The following GLB1L3 variants were observed in gnomAD, a reference collection of about 807,000 sequenced individuals.
The protein encoded by GLB1L3 is beta-galactosidase-1-like protein 3.
GLB1L3 carries 89 observed loss-of-function variants against 89.5 expected under a neutral mutation model. The observed-to-expected ratio is 0.99, with a 90% CI of 0.84 to 1.19. GLB1L3 has a LOEUF of 1.19. Among genes scored for constraint, GLB1L3 ranks in the 50% most tolerant of loss-of-function variants. The pLI is 0.00. For missense variants in GLB1L3, 812 were observed against 813.3 expected, an observed-to-expected ratio of 1.00 and a Z score of 0.02; for synonymous variants, 314 against 312.3, an observed-to-expected ratio of 1.01 and a Z score of -0.06.
chr11:134,308,466 A>AT (rs1395405707), intron 10 of GLB1L3, among the ~76,000 whole-genome samples: 3 of 19,610 alleles, frequency 1.5e-4, no homozygotes, highest in Admixed American at 5.4e-4. Context: ...CACCACCACC[A>AT]CCACCAAATA....
intron 1 of GLB1L3, 32 bp from the exon 2 acceptor site, chr11:134,277,294 C>T (rs746055366): frequency 6.2e-7 from 1 of 1,613,542 alleles, no homozygotes; most frequent in Admixed American, 1.7e-5. Context: ...CCGGAACCTT[C>T]CCCTTGTCAC....
intron 3 of GLB1L3, among the ~76,000 whole-genome samples, chr11:134,280,158 C>T (rs1448080420): frequency 1.1e-4 from 17 of 151,712 alleles, no homozygotes; most frequent in African/African-American, 3.4e-4. Flanking sequence ...TTTGGGAATA[C>T]GCTTTCTGTT....
At chr11:134,309,254 C>G (rs1042540785) in intron 10 of GLB1L3, among the ~76,000 whole-genome samples, 12 of 152,040 alleles carry the variant, frequency 7.9e-5, no homozygotes, top group African/African-American at 2.7e-4. Flanking sequence ...GATTCGGTGT[C>G]CTAGAGTAGT....
rs902707793 is a variant in GLB1L3 at position 134,312,501 on chromosome 11, A to G, written c.1428+12A>G. On this transcript the variant is annotated intron_variant, in intron 14 of 19. Transcript: ENST00000431683. ...ATGACGTGGCACAGGTAGGGCCAGC[A>G]GGCTGTCTGTGTGGGAAGCAAAGTG... 6.2e-7 allele frequency: 1 copy of G among 1,609,718 alleles called. No homozygotes were observed. The highest frequency in any genetic ancestry group is 8.5e-7 in the Non-Finnish European group (1 of 1,179,704).
intron 10 of GLB1L3, among the ~76,000 whole-genome samples, chr11:134,309,011 C>A (rs1942586734): frequency 6.6e-6 from 1 of 152,164 alleles, no homozygotes; most frequent in Non-Finnish European, 1.5e-5. Flanking sequence ...AGATTAAGAG[C>A]AACCACTTGT....
chr11:134,292,833 C>T (rs1345967907), intron 8 of GLB1L3: 5 of 475,524 alleles, frequency 1.1e-5, no homozygotes, highest in Non-Finnish European at 1.9e-5. Flanking sequence ...CACTGGAACA[C>T]GTGCTGAGCT....
chr11:134,300,596 A>G (rs1458639173), intron 9 of GLB1L3, among the ~76,000 whole-genome samples: 2 of 151,840 alleles, frequency 1.3e-5, no homozygotes, highest in African/African-American at 4.8e-5. Context: ...AGCCTCCCAA[A>G]GTGCTGGGAT....
intron 6 of GLB1L3, among the ~76,000 whole-genome samples, chr11:134,285,029 C>T (rs1046861427): frequency 3.3e-5 from 5 of 150,114 alleles, no homozygotes; most frequent in Admixed American, 2.0e-4. Context: ...CCTGGGTTCA[C>T]GCCATTCTCC....
At position 134,309,248 on chromosome 11, in the gene GLB1L3, C is replaced by T. The variant is rs981607435; in HGVS notation, c.962-378C>T. ...AAAATCTCTTGGGATTGACAAGATT[C>T]GGTGTCCTAGAGTAGTTCTGGCCAA... is the stretch of plus-strand genomic sequence containing the variant. On this transcript the variant is annotated intron_variant, in intron 10 of 19. Coordinates refer to ENST00000431683, the MANE Select transcript of GLB1L3 (RefSeq NM_001080407.3). 4.6e-5 allele frequency among the ~76,000 whole-genome samples: 7 copies of T among 152,098 alleles called. 1 individual carries two copies. Among genetic ancestry groups the T allele is most frequent in the East Asian group, 1.9e-4 (1 of 5,198 alleles).
chr11:134,308,244 T>TCACCATCACCACCAC (rs1942349482), intron 10 of GLB1L3, among the ~76,000 whole-genome samples: 1 of 19,784 alleles, frequency 5.1e-5, no homozygotes, highest in African/African-American at 2.7e-4. Context: ...ACCATCACCA[T>TCACCATCACCACCAC]CACCACCATC....
chr11:134,297,042 T>TA (rs1941691836), intron 9 of GLB1L3, among the ~76,000 whole-genome samples: 7 of 152,088 alleles, frequency 4.6e-5, no homozygotes, highest in Admixed American at 4.6e-4. Context: ...AATCATAGAT[T>TA]GTTTATTTTT....
At chr11:134,323,396 TACACACACACAC>T (rs61583599), downstream of GLB1L3, among the ~76,000 whole-genome samples, 13 of 148,738 alleles carry the variant, frequency 8.7e-5, no homozygotes, top group Non-Finnish European at 1.6e-4. Context: ...CACACACACG[TACACACACACAC>T]ACACACACAC....
rs897815996 is a variant in GLB1L3 at position 134,314,409 on chromosome 11, C to T, written c.1747C>T (p.Pro583Ser). 45 of 1,551,424 alleles carry T rather than the reference C, an allele frequency of 2.9e-5. No homozygotes were observed. Among genetic ancestry groups the T allele is most frequent in the Middle Eastern group, 1.7e-4 (1 of 6,014 alleles). The change falls in exon 18 of 20, where the codon CCT becomes TCT. Residue 583 changes from proline to serine, a missense_variant. Pro to Ser is a moderately conservative substitution (Grantham distance 74). This residue lies in a region of GLB1L3 where 618 missense variants were observed against 604.0 expected (regional missense o/e 1.02). Coordinates refer to ENST00000431683, the MANE Select transcript of GLB1L3 (RefSeq NM_001080407.3). ...AFYCGTLKAG[P>S]SPKDTFLSLL... The stretch of plus-strand genomic sequence containing the variant: ...CTACTGTGGGACCTTGAAGGCTGGC[C>T]CTTCTCCCAAGGACACCTTCCTGAG...
chr11:134,323,838 A>G (rs115935844), downstream of GLB1L3, among the ~76,000 whole-genome samples: 1,062 of 152,094 alleles, frequency 7.0e-3, 9 homozygotes, highest in African/African-American at 0.024. Flanking sequence ...TTTAGTTGCT[A>G]TTCAACCTTT....
chr11:134,286,720 G>A (rs1053596928), intron 6 of GLB1L3, among the ~76,000 whole-genome samples: 4 of 151,448 alleles, frequency 2.6e-5, no homozygotes, highest in East Asian at 3.9e-4. Context: ...GAGCTTGCAG[G>A]GAGCCAAGAT....
chr11:134,312,671 G>C, intron 14 of GLB1L3, 145 bp from the exon 15 acceptor site: 2 of 957,170 alleles, frequency 2.1e-6, no homozygotes, highest in Non-Finnish European at 3.2e-6. Flanking sequence ...AGAGTCTCTT[G>C]GGGCCTCCAG....
rs1207423882 is a variant in GLB1L3 at position 134,318,967 on chromosome 11, T to TA, written c.*25_*26insA. 1 of 1,589,986 alleles carries TA rather than the reference T, an allele frequency of 6.3e-7. No individual in the cohort carries two copies. The highest frequency in any genetic ancestry group is 1.3e-5 in the African/African-American group (1 of 74,086). ...AAACTGTGTCTGAACATTTTTTTTT[T>TA]TTTTTGAGATGGAGTCTCACTTTGT... On this transcript the variant is annotated 3_prime_UTR_variant, in exon 20 of 20. Transcript: ENST00000431683.
At chr11:134,286,391 C>CAT (rs1393633136) in intron 6 of GLB1L3, among the ~76,000 whole-genome samples, 1 of 152,198 alleles carries the variant, frequency 6.6e-6, no homozygotes, top group Non-Finnish European at 1.5e-5. Context: ...AGTTGAGGTA[C>CAT]ATCTTTTGTT....
At chr11:134,293,124 G>T in intron 8 of GLB1L3, 21 bp from the exon 9 acceptor site, 2 of 1,609,934 alleles carry the variant, frequency 1.2e-6, no homozygotes, top group Non-Finnish European at 1.7e-6. Flanking sequence ...CCTCAGCTGG[G>T]TCTCTCTCTT....
Sources: gnomAD v4.1 joint callset for allele counts (sites outside exome capture counted in the v4.1 genomes callset) on GRCh38, gnomAD v4.1.1 for gene constraint, gnomAD v4.1.1 regional missense constraint, MANE v1.5 for transcripts, NCBI Gene and HGNC (gene_info 2026-07-23, HGNC 2026-07-21) for gene names.